The following ASCC3 variants were observed in gnomAD, a reference collection of about 807,000 sequenced individuals.
ASCC3 encodes ASC-1 complex subunit P200.
ASCC3 carries 158 observed loss-of-function variants against 256.3 expected under a neutral mutation model. The observed-to-expected ratio is 0.62, with a 90% CI of 0.54 to 0.70. The LOEUF is 0.70. ASCC3 is among the 30% of genes least tolerant of loss of function. The pLI is 0.00. For missense variants in ASCC3, 2,259 were observed against 2,626.0 expected, an observed-to-expected ratio of 0.86 and a Z score of 3.05; for synonymous variants, 948 against 883.4, an observed-to-expected ratio of 1.07 and a Z score of -1.30.
At chr6:100,588,432 C>T (rs1292604491) in intron 36 of ASCC3, among the ~76,000 whole-genome samples, 3 of 152,138 alleles carry the variant, frequency 2.0e-5, no homozygotes, top group African/African-American at 7.2e-5. Context: ...AGAAATCCTA[C>T]TTTTATGAAT....
At chr6:100,807,698 T>A (rs1770258733) in intron 4 of ASCC3, among the ~76,000 whole-genome samples, 1 of 151,882 alleles carries the variant, frequency 6.6e-6, no homozygotes, top group South Asian at 2.1e-4. Context: ...CAAAGCCAAC[T>A]TCACTTAAGA....
chr6:100,863,783 T>C (rs1446467636), intron 3 of ASCC3, among the ~76,000 whole-genome samples: 3 of 151,890 alleles, frequency 2.0e-5, no homozygotes, highest in Non-Finnish European at 4.4e-5. Flanking sequence ...ACCTAGCTAG[T>C]TTATTTTATT....
chr6:100,663,918 C>A (rs1475107279), intron 14 of ASCC3, among the ~76,000 whole-genome samples: 1 of 151,962 alleles, frequency 6.6e-6, no homozygotes, highest in African/African-American at 2.4e-5. Context: ...TGGAAATATA[C>A]CCCATGGATA....
chr6:100,851,969 C>CA (rs1218571227), intron 3 of ASCC3, among the ~76,000 whole-genome samples: 1 of 152,198 alleles, frequency 6.6e-6, no homozygotes, highest in African/African-American at 2.4e-5. Context: ...CCCTAAGAGG[C>CA]ACCGACATGC....
At chr6:100,677,919 G>GA (rs1582680839) in intron 14 of ASCC3, among the ~76,000 whole-genome samples, 1 of 152,022 alleles carries the variant, frequency 6.6e-6, no homozygotes, top group Non-Finnish European at 1.5e-5. Context: ...AGTGATCTGT[G>GA]AATTAGTGCT....
At chr6:100,685,695 A>G (rs2114974984) in intron 13 of ASCC3, among the ~76,000 whole-genome samples, 1 of 152,362 alleles carries the variant, frequency 6.6e-6, no homozygotes, top group South Asian at 2.1e-4. Flanking sequence ...TGGGAATGCC[A>G]CTACAGATAT....
At chr6:100,658,542 G>C (rs1037120032) in intron 16 of ASCC3, among the ~76,000 whole-genome samples, 2 of 151,422 alleles carry the variant, frequency 1.3e-5, no homozygotes, top group African/African-American at 4.8e-5. Context: ...CTGGCAATAA[G>C]TATGAATGGG....
intron 5 of ASCC3, 137 bp downstream of exon 5, chr6:100,805,622 TA>T: frequency 9.1e-7 from 1 of 1,095,366 alleles, no homozygotes; most frequent in Non-Finnish European, 1.3e-6. Context: ...ATGCCATATC[TA>T]AAATCTATTT....
intron 10 of ASCC3, among the ~76,000 whole-genome samples, chr6:100,727,448 G>A (rs1779688004): frequency 6.6e-6 from 1 of 151,824 alleles, no homozygotes. Flanking sequence ...ATGAGTTTGT[G>A]CATTTTACAT....
chr6:100,779,114 T>C (rs769318479), intron 8 of ASCC3, among the ~76,000 whole-genome samples: 20 of 152,164 alleles, frequency 1.3e-4, no homozygotes, highest in Non-Finnish European at 1.9e-4. Context: ...TACCAAGTGA[T>C]TTCTCAAATT....
intron 3 of ASCC3, among the ~76,000 whole-genome samples, chr6:100,861,037 T>C (rs1773200005): frequency 6.6e-6 from 1 of 152,212 alleles, no homozygotes; most frequent in South Asian, 2.1e-4. Flanking sequence ...AAACGACTAC[T>C]GAAGTAGTTC....
intron 1 of ASCC3, among the ~76,000 whole-genome samples, chr6:100,878,735 G>C (rs936849749): frequency 6.6e-6 from 1 of 152,186 alleles, no homozygotes; most frequent in African/African-American, 2.4e-5. Context: ...CTGCCCTCTT[G>C]TGAGAGTGGA....
chr6:100,643,937 G>A (rs1056941124), intron 23 of ASCC3, 94 bp downstream of exon 23: 1 of 814,972 alleles, frequency 1.2e-6, no homozygotes, highest in Non-Finnish European at 2.0e-6. Context: ...AGTTTTAATT[G>A]TACTATAAAA....
chr6:100,752,374 A>G (rs1269072754), intron 10 of ASCC3, among the ~76,000 whole-genome samples: 1 of 152,152 alleles, frequency 6.6e-6, no homozygotes, highest in Admixed American at 6.6e-5. Context: ...GCACATTTAA[A>G]CAGTTAGACT....
intron 34 of ASCC3, among the ~76,000 whole-genome samples, chr6:100,594,573 G>T (rs1028641869): frequency 6.6e-6 from 1 of 152,070 alleles, no homozygotes; most frequent in African/African-American, 2.4e-5. Context: ...CCTTGTACAT[G>T]GTTGCTGAGA....
At chr6:100,681,372 A>G (rs115319013) in intron 13 of ASCC3, among the ~76,000 whole-genome samples, 2,175 of 152,288 alleles carry the variant, frequency 0.014, 42 homozygotes, top group African/African-American at 0.05. Context: ...GAGATTTCAT[A>G]CTTTATCAGA....
chr6:100,538,963 C>T (rs545024964), intron 37 of ASCC3, among the ~76,000 whole-genome samples: 10 of 152,190 alleles, frequency 6.6e-5, no homozygotes, highest in South Asian at 6.2e-4. Context: ...CCACCAAAAC[C>T]GGCTCTTCTG....
rs1468397812 is a variant in ASCC3, at chr6:100,642,585, A to G, written c.3897T>C (p.His1299=). 1 of 1,613,898 alleles carries G rather than the reference A, an allele frequency of 6.2e-7. No homozygotes were observed. The highest frequency in any genetic ancestry group is 1.1e-5 in the South Asian group (1 of 91,086). Residue 1299 remains histidine, a synonymous_variant, in exon 24 of 42, where the codon CAT becomes CAC. Transcript: ENST00000369162. ...AATCAGCATTCACCATGTTACCTGT[A>G]TGAGGAGGATGTCTCTCTGGTAGAA... The part of the protein sequence containing the change: ...HLILPERHPP[H]TELLDLQPLP...
chr6:100,607,005 T>C lies in ASCC3; in HGVS notation c.4869A>G (p.Leu1623=), dbSNP rs759295331. ...AFGIGMHHAG[L]HERDRKTVEE... is the part of the protein sequence containing the mutation. The stretch of plus-strand genomic sequence containing the variant: ...CTACTGTTTTTCGGTCCCTCTCATG[T>C]AGTCCAGCATGATGCATTCCTATCC... The change falls in exon 31 of 42, where the codon CTA becomes CTG. Residue 1623 remains leucine (L), a synonymous_variant. Transcript: ENST00000369162. The C allele has an allele frequency of 2.5e-6, 4 of 1,613,736 alleles. No individual in the cohort carries two copies. The highest frequency in any genetic ancestry group is 1.7e-5 in the Admixed American group (1 of 59,988).
Sources: allele counts gnomAD v4.1 joint callset (sites outside exome capture counted in the v4.1 genomes callset), GRCh38; gene constraint gnomAD v4.1.1; transcripts MANE v1.5; gene names NCBI Gene and HGNC (gene_info 2026-07-23, HGNC 2026-07-21).